The following FRS2 variants were observed in gnomAD, a reference collection of about 807,000 sequenced individuals.
FRS2 encodes fibroblast growth factor receptor substrate 2.
A neutral mutation model predicts 43.9 loss-of-function variants in FRS2; 8 were observed. The ratio of observed to expected loss-of-function variants is 0.18; its 90% CI spans 0.11 to 0.33. FRS2 has a LOEUF of 0.33. FRS2 is among the 10% of genes least tolerant of loss of function. The pLI, the probability that FRS2 is intolerant of heterozygous loss-of-function variation, is 1.00. For missense variants in FRS2, 534 were observed against 627.6 expected, an observed-to-expected ratio of 0.85 and a Z score of 1.59; for synonymous variants, 219 against 220.3, an observed-to-expected ratio of 0.99 and a Z score of 0.05.
intron 1 of FRS2, among the ~76,000 whole-genome samples, chr12:69,487,275 TCTATG>T (rs1872041360): frequency 6.6e-6 from 1 of 152,200 alleles, no homozygotes; most frequent in South Asian, 2.1e-4. Context: ...TAGAGAGAAA[TCTATG>T]CTTGGTTTGA....
chr12:69,573,252 C>G (rs1880913843), intron 8 of FRS2, among the ~76,000 whole-genome samples: 1 of 152,082 alleles, frequency 6.6e-6, no homozygotes, highest in Non-Finnish European at 1.5e-5. Flanking sequence ...CTTATTAAAT[C>G]TAGTGGAGTT....
intron 1 of FRS2, among the ~76,000 whole-genome samples, chr12:69,523,768 TG>T (rs1175024523): frequency 1.3e-5 from 2 of 152,222 alleles, no homozygotes; most frequent in African/African-American, 4.8e-5. Flanking sequence ...GCAGGTCTAG[TG>T]GTAACAAATT....
At chr12:69,546,233 G>A (rs927841863) in intron 3 of FRS2, among the ~76,000 whole-genome samples, 21 of 152,046 alleles carry the variant, frequency 1.4e-4, no homozygotes, top group African/African-American at 4.6e-4. Context: ...AATACAGTGA[G>A]ATACTACCCT....
Position 69,574,323 on chromosome 12 carries a change from C to T in FRS2, c.895C>T (p.Pro299Ser), listed in dbSNP as rs1565786812. Residue 299 changes from proline (P) to serine (S), a missense_variant, in exon 9 of 9, where the codon CCC becomes TCC. By Grantham distance (74) the Pro-to-Ser change is moderately conservative (BLOSUM62 -1). Around this residue, in one of 3 missense-constraint regions of FRS2, gnomAD observed 446 missense variants for 494.2 expected, o/e 0.90. Coordinates refer to ENST00000549921, the MANE Select transcript of FRS2 (RefSeq NM_001278356.2). The part of the protein sequence containing the change: ...GYDSDERRDA[P>S]SVNKLVYENI... ...TGACAGTGATGAACGAAGAGATGCA[C>T]CCTCTGTTAACAAACTGGTGTATGA... 1 of 1,614,058 alleles carries T rather than the reference C, an allele frequency of 6.2e-7. No individual in the cohort carries two copies. The highest frequency in any genetic ancestry group is 2.2e-5 in the East Asian group (1 of 44,880).
At chr12:69,492,638 G>A (rs1872576328) in intron 1 of FRS2, among the ~76,000 whole-genome samples, 1 of 152,170 alleles carries the variant, frequency 6.6e-6, no homozygotes, top group South Asian at 2.1e-4. Context: ...GGATTGTTTT[G>A]GGAGAGAGGA....
intron 1 of FRS2, among the ~76,000 whole-genome samples, chr12:69,509,449 A>G (rs1474406835): frequency 1.3e-5 from 2 of 152,208 alleles, no homozygotes; most frequent in Non-Finnish European, 2.9e-5. Flanking sequence ...GTAAAATATA[A>G]TAACAAAATT....
In FRS2 at chr12:69,520,094, G is replaced by A. The variant is rs1057155049; in HGVS notation, c.-260-10771G>A. On this transcript the variant is annotated intron_variant, in intron 1 of 8. Transcript: ENST00000549921. ...GTTATTTCTTGACTTCTTAATAATAGTCATTCTGACTGGTGCGAGATGGTA... is the reference window on the plus strand; with the variant it reads ...GTTATTTCTTGACTTCTTAATAATAATCATTCTGACTGGTGCGAGATGGTA... Among the ~76,000 whole-genome samples, 8 of 152,258 alleles carry A rather than the reference G, an allele frequency of 5.3e-5. No homozygotes were observed. The East Asian group carries it at 1.5e-3, about 29-fold the overall frequency.
chr12:69,490,362 T>C (rs1016524038), intron 1 of FRS2, among the ~76,000 whole-genome samples: 10 of 152,124 alleles, frequency 6.6e-5, no homozygotes, highest in Non-Finnish European at 1.3e-4. Flanking sequence ...GATTATAGTG[T>C]TCAGCTTATT....
intron 3 of FRS2, among the ~76,000 whole-genome samples, chr12:69,551,224 C>T (rs898364457): frequency 3.3e-5 from 5 of 152,092 alleles, no homozygotes; most frequent in East Asian, 1.9e-4. Context: ...TGGTGGTATA[C>T]GCCTGTAGTC....
intron 5 of FRS2, 99 bp downstream of exon 5, chr12:69,569,195 C>G: frequency 1.6e-6 from 1 of 638,838 alleles, no homozygotes; most frequent in Non-Finnish European, 2.8e-6. Context: ...ATCACCAAAC[C>G]TTTCTATTTC....
At chr12:69,554,049 A>G (rs1254375898) in intron 3 of FRS2, among the ~76,000 whole-genome samples, 1 of 152,176 alleles carries the variant, frequency 6.6e-6, no homozygotes, top group Non-Finnish European at 1.5e-5. Flanking sequence ...GCATTTACTC[A>G]TTAGAGTTTC....
In FRS2 at chr12:69,532,842, T is replaced by C. The variant is rs183189651; in HGVS notation, c.-122+786T>C. Among the ~76,000 whole-genome samples, 6 of 152,368 alleles carry C rather than the reference T, an allele frequency of 3.9e-5. No individual in the cohort carries two copies. The East Asian group carries it at 1.2e-3, about 29-fold the overall frequency. ...TACTGAAGTTGATATTGACTTGTTA[T>C]TCTATTCATTGTTGAATAATCCCGC... On this transcript the variant is annotated intron_variant, in intron 3 of 8. Coordinates refer to ENST00000549921, the MANE Select transcript of FRS2 (RefSeq NM_001278356.2).
chr12:69,497,800 G>A (rs1433373746), intron 1 of FRS2, among the ~76,000 whole-genome samples: 1 of 152,210 alleles, frequency 6.6e-6, no homozygotes, highest in African/African-American at 2.4e-5. Flanking sequence ...TGCAGAGAGA[G>A]CAAGGGGCCT....
intron 3 of FRS2, among the ~76,000 whole-genome samples, chr12:69,534,037 A>C (rs192332141): frequency 7.9e-5 from 12 of 152,202 alleles, no homozygotes; most frequent in African/African-American, 2.4e-5. Flanking sequence ...GAGATTTCAC[A>C]TGTAGGTGGT....
chr12:69,558,028 C>A (rs919299034), intron 3 of FRS2, among the ~76,000 whole-genome samples: 2 of 151,864 alleles, frequency 1.3e-5, no homozygotes, highest in South Asian at 4.2e-4. Flanking sequence ...AAATGAATCT[C>A]TATATATATA....
intron 1 of FRS2, among the ~76,000 whole-genome samples, chr12:69,527,685 A>C (rs1171198914): frequency 6.6e-6 from 1 of 152,304 alleles, no homozygotes; most frequent in South Asian, 2.1e-4. Flanking sequence ...TGATTGGGAA[A>C]TTCTGAGAAT....
intron 3 of FRS2, among the ~76,000 whole-genome samples, chr12:69,558,550 T>C (rs1390060683): frequency 3.3e-5 from 5 of 152,112 alleles, no homozygotes; most frequent in African/African-American, 1.2e-4. Context: ...TGTTTTAGGT[T>C]TGGGGGGTTT....
intron 1 of FRS2, among the ~76,000 whole-genome samples, chr12:69,493,349 A>G (rs534675625): frequency 3.9e-5 from 6 of 152,356 alleles, no homozygotes; most frequent in Non-Finnish European, 7.3e-5. Context: ...ATAAGCTCCC[A>G]TTAAAATATG....
At chr12:69,545,770 AAAAAAAAAC>A (rs1334847452) in intron 3 of FRS2, among the ~76,000 whole-genome samples, 23 of 150,844 alleles carry the variant, frequency 1.5e-4, no homozygotes, top group African/African-American at 5.1e-4. Context: ...AAAAAAAAAA[AAAAAAAAAC>A]AAAAACAAAA....
Sources: gnomAD v4.1 joint callset for allele counts (sites outside exome capture counted in the v4.1 genomes callset) on GRCh38, gnomAD v4.1.1 for gene constraint, gnomAD v4.1.1 regional missense constraint, MANE v1.5 for transcripts, NCBI Gene and HGNC (gene_info 2026-07-23, HGNC 2026-07-21) for gene names.